The following SLC24A3 variants were observed in gnomAD, a reference collection of about 807,000 sequenced individuals.
SLC24A3 encodes the protein solute carrier family 24 member 3.
SLC24A3 carries 28 observed loss-of-function variants against 75.8 expected under a neutral mutation model. That is an observed-to-expected ratio of 0.37 (90% CI 0.27 to 0.51). SLC24A3 has a LOEUF of 0.51. Ranked by LOEUF, SLC24A3 falls within the 20% of genes least tolerant of loss-of-function variation. SLC24A3 has a pLI of 0.94. For synonymous variants in SLC24A3, 372 were observed against 334.1 expected, an observed-to-expected ratio of 1.11 and a Z score of -1.24; for missense variants, 663 against 847.8, an observed-to-expected ratio of 0.78 and a Z score of 2.71.
chr20:19,641,469 C>T (rs909239345), intron 6 of SLC24A3, among the ~76,000 whole-genome samples: 12 of 152,132 alleles, frequency 7.9e-5, no homozygotes, highest in African/African-American at 1.7e-4. Flanking sequence ...TGGATAGCAG[C>T]GCTGCTGGTG....
At chr20:19,371,261 C>T (rs1198829658) in intron 2 of SLC24A3, among the ~76,000 whole-genome samples, 3 of 152,140 alleles carry the variant, frequency 2.0e-5, no homozygotes, top group Non-Finnish European at 2.9e-5. Flanking sequence ...TAATTCCAGG[C>T]ACTTCTGTCC....
At chr20:19,243,178 T>TA (rs1200742392) in intron 1 of SLC24A3, among the ~76,000 whole-genome samples, 2 of 152,222 alleles carry the variant, frequency 1.3e-5, no homozygotes, top group Admixed American at 6.5e-5. Flanking sequence ...TCCTGAGACA[T>TA]ATGTTAATGA....
intron 2 of SLC24A3, among the ~76,000 whole-genome samples, chr20:19,307,076 T>C (rs1984350763): frequency 6.6e-6 from 1 of 152,054 alleles, no homozygotes; most frequent in Non-Finnish European, 1.5e-5. Context: ...GCATTCTAGG[T>C]GAAACTGAAA....
intron 2 of SLC24A3, among the ~76,000 whole-genome samples, chr20:19,446,837 C>T (rs936058705): frequency 2.0e-5 from 3 of 152,214 alleles, no homozygotes; most frequent in Admixed American, 6.5e-5. Context: ...AAAAGGCTTT[C>T]GCGTGCACCT....
intron 2 of SLC24A3, among the ~76,000 whole-genome samples, chr20:19,295,817 T>G (rs77415417): frequency 0.058 from 8,835 of 152,176 alleles, 673 homozygotes; most frequent in East Asian, 0.28. Flanking sequence ...AGTTTTTTTT[T>G]TTGTTGTTGT....
At chr20:19,278,496 G>A (rs1277098013) in intron 1 of SLC24A3, among the ~76,000 whole-genome samples, 3 of 152,178 alleles carry the variant, frequency 2.0e-5, no homozygotes, top group Non-Finnish European at 2.9e-5. Context: ...CAGATTATTT[G>A]TGATAATATG....
chr20:19,447,702 C>A (rs74956605), intron 2 of SLC24A3, among the ~76,000 whole-genome samples: 2,580 of 152,218 alleles, frequency 0.017, 68 homozygotes, highest in East Asian at 0.1. Context: ...TGATGGGGTG[C>A]GATGATGGTT....
At chr20:19,718,587 A>G (rs2033066299) in intron 16 of SLC24A3, among the ~76,000 whole-genome samples, 1 of 152,222 alleles carries the variant, frequency 6.6e-6, no homozygotes, top group Admixed American at 6.5e-5. Context: ...AGGAACAAGC[A>G]TCTGACACCA....
Position 19,721,144 on chromosome 20 carries a change from G to A in SLC24A3, c.*4G>A, listed in dbSNP as rs776533344. The A allele has an allele frequency of 1.8e-5, 29 of 1,613,634 alleles. No homozygotes were observed. The East Asian group carries it at 2.0e-4, about 11-fold the overall frequency. On this transcript the variant is annotated 3_prime_UTR_variant, in exon 17 of 17. Transcript: ENST00000328041. ...GCCCATGTGCGGGGACCACTGAGCC[G>A]CCGGGTGCCCACAGAGGCTCAGCTC...
rs566634651 is a variant in SLC24A3 at position 19,346,165 on chromosome 20, T to G, written c.271+65078T>G. Reference sequence around the variant, plus strand: ...TGTGTGTATATATATATGGTGTATATATATGGTATATATATATGGTGTATA... The same window carrying G: ...TGTGTGTATATATATATGGTGTATAGATATGGTATATATATATGGTGTATA... On this transcript the variant is annotated intron_variant, in intron 2 of 16. Transcript: ENST00000328041. 3.1e-3 allele frequency among the ~76,000 whole-genome samples: 338 copies of G among 108,602 alleles called. 25 individuals carry two copies. The highest frequency in any genetic ancestry group is 5.4e-3 in the Non-Finnish European group (304 of 55,870). The allele number at this position is 108,602 out of a possible 152,430, so 71.2% of individuals were successfully genotyped here. A position where few individuals can be genotyped will look rare whatever the true frequency, so the allele number is the denominator to read the frequency against.
At chr20:19,317,525 G>C (rs979010331) in intron 2 of SLC24A3, among the ~76,000 whole-genome samples, 3 of 152,174 alleles carry the variant, frequency 2.0e-5, no homozygotes, top group African/African-American at 7.2e-5. Flanking sequence ...CCACAGCCAG[G>C]CCCATGGGCC....
chr20:19,681,631 C>T (rs2032616137), intron 9 of SLC24A3, among the ~76,000 whole-genome samples: 1 of 152,164 alleles, frequency 6.6e-6, no homozygotes, highest in Admixed American at 6.5e-5. Flanking sequence ...TGGTTTATTT[C>T]TATAATGGTG....
intron 3 of SLC24A3, among the ~76,000 whole-genome samples, chr20:19,544,891 T>C (rs960301313): frequency 6.6e-6 from 1 of 152,174 alleles, no homozygotes; most frequent in Non-Finnish European, 1.5e-5. Context: ...ACTTGAACTC[T>C]GACCTCAGAT....
intron 2 of SLC24A3, among the ~76,000 whole-genome samples, chr20:19,444,336 G>A (rs1423505953): frequency 6.6e-6 from 1 of 152,066 alleles, no homozygotes; most frequent in Non-Finnish European, 1.5e-5. Flanking sequence ...GAGTAATGTT[G>A]GCCTTAGAGA....
At chr20:19,422,896 G>T (rs1052900813) in intron 2 of SLC24A3, among the ~76,000 whole-genome samples, 23 of 152,306 alleles carry the variant, frequency 1.5e-4, no homozygotes, top group Non-Finnish European at 1.6e-4. Flanking sequence ...GGCCTCTGAT[G>T]GAATAAGAGA....
At chr20:19,424,399 T>G (rs922154478) in intron 2 of SLC24A3, among the ~76,000 whole-genome samples, 1 of 152,170 alleles carries the variant, frequency 6.6e-6, no homozygotes, top group African/African-American at 2.4e-5. Flanking sequence ...ACTAAATAAT[T>G]GAGCATGGGG....
At chr20:19,250,078 C>T (rs1982606483) in intron 1 of SLC24A3, among the ~76,000 whole-genome samples, 1 of 152,192 alleles carries the variant, frequency 6.6e-6, no homozygotes, top group Admixed American at 6.5e-5. Flanking sequence ...GGTCAGCAGT[C>T]ATTCAGCCAT....
chr20:19,412,278 G>A (rs1042054600), intron 2 of SLC24A3, among the ~76,000 whole-genome samples: 2 of 152,104 alleles, frequency 1.3e-5, no homozygotes, highest in African/African-American at 2.4e-5. Flanking sequence ...GGCTTGGTTG[G>A]GGTGGCAAGA....
At chr20:19,656,111 C>G (rs755956520) in intron 7 of SLC24A3, among the ~76,000 whole-genome samples, 2 of 152,256 alleles carry the variant, frequency 1.3e-5, no homozygotes, top group East Asian at 3.9e-4. Context: ...AGTCTTTATA[C>G]AAATAAAATG....
Sources: allele counts gnomAD v4.1 joint callset (sites outside exome capture counted in the v4.1 genomes callset), GRCh38; gene constraint gnomAD v4.1.1; transcripts MANE v1.5; gene names NCBI Gene and HGNC (gene_info 2026-07-23, HGNC 2026-07-21).